Variants in WIPF3 observed in about 807,000 individuals in gnomAD.
The protein encoded by WIPF3 is WAS/WASL-interacting protein family member 3.
In WIPF3, 33 loss-of-function variants were observed where a neutral mutation model predicts 38.9. The ratio of observed to expected loss-of-function variants is 0.85; its 90% CI spans 0.64 to 1.14. The LOEUF (loss-of-function observed/expected upper bound fraction) is 1.14. Ranked by LOEUF, WIPF3 falls within the 50% of genes most tolerant of loss-of-function variation. The pLI is 0.00. For missense variants in WIPF3, 711 were observed against 652.5 expected, an observed-to-expected ratio of 1.09 and a Z score of -0.98; for synonymous variants, 324 against 269.3, an observed-to-expected ratio of 1.20 and a Z score of -1.99.
chr7:29,848,239 C>T (rs1393658557), intron 2 of WIPF3, among the ~76,000 whole-genome samples: 2 of 152,130 alleles, frequency 1.3e-5, no homozygotes, highest in South Asian at 2.1e-4. Context: ...CACGAAGATC[C>T]GGGGGCATCC....
chr7:29,857,622 T>C (rs1450114020), intron 2 of WIPF3, among the ~76,000 whole-genome samples: 1 of 152,182 alleles, frequency 6.6e-6, no homozygotes, highest in Non-Finnish European at 1.5e-5. Context: ...GCCATTGGTG[T>C]TACCTGGGGT....
At chr7:29,853,051 A>G (rs1184829431) in intron 2 of WIPF3, among the ~76,000 whole-genome samples, 7 of 152,154 alleles carry the variant, frequency 4.6e-5, no homozygotes. Context: ...GGGTGCAAGT[A>G]GTTTGTTTGG....
Position 29,844,014 on chromosome 7 carries a change from G to T in WIPF3, c.90+9200G>T, listed in dbSNP as rs1263438830. Among the ~76,000 whole-genome samples, 2 of 151,996 alleles carry T rather than the reference G, an allele frequency of 1.3e-5. No individual in the cohort carries two copies. Among genetic ancestry groups the T allele is most frequent in the African/African-American group, 4.8e-5 (2 of 41,462 alleles). ...GGAGGGCTGGCTTGGCAGCCAGGAA[G>T]TCACGTTTCCTAGATTGTTTAATAA... On this transcript the variant is annotated intron_variant, in intron 2 of 8. Transcript: ENST00000242140. The surrounding 1 kb of genome is among the most constrained non-coding windows in gnomAD (Gnocchi z 4.8).
intron 2 of WIPF3, among the ~76,000 whole-genome samples, chr7:29,860,603 A>T (rs1785258657): frequency 6.6e-6 from 1 of 152,210 alleles, no homozygotes. Flanking sequence ...TAAATTACCC[A>T]GGCTCAGGTA....
At chr7:29,859,393 A>T (rs1406994036) in intron 2 of WIPF3, among the ~76,000 whole-genome samples, 1 of 152,138 alleles carries the variant, frequency 6.6e-6, no homozygotes, top group African/African-American at 2.4e-5. Flanking sequence ...GAGGGTGTTG[A>T]TGATGCTTGG....
chr7:29,846,935 A>C (rs1451565534), intron 2 of WIPF3, among the ~76,000 whole-genome samples: 1 of 152,228 alleles, frequency 6.6e-6, no homozygotes, highest in Non-Finnish European at 1.5e-5. Flanking sequence ...AAATTACTTA[A>C]TAACTCTAAG....
chr7:29,902,758 T>C (rs1469436445), intron 7 of WIPF3, among the ~76,000 whole-genome samples: 2 of 151,750 alleles, frequency 1.3e-5, no homozygotes, highest in African/African-American at 4.9e-5. Flanking sequence ...TCAGAATTGC[T>C]TGAACCTGGG....
At chr7:29,824,057 CT>C (rs1738885007) in intron 1 of WIPF3, among the ~76,000 whole-genome samples, 2 of 152,240 alleles carry the variant, frequency 1.3e-5, no homozygotes, top group African/African-American at 4.8e-5. Context: ...TTACTTTTGG[CT>C]TTGGCAATAC....
chr7:29,916,125 C>G lies in WIPF3; in HGVS notation c.*1609C>G, dbSNP rs1786610096. 6.6e-6 allele frequency: 1 copy of G among 152,324 alleles called. No individual in the cohort carries two copies. The highest frequency in any genetic ancestry group is 1.5e-5 in the Non-Finnish European group (1 of 68,048). The allele number at this position is 152,324 out of a possible 1,614,324, so 9.4% of individuals were successfully genotyped here. On this transcript the variant is annotated 3_prime_UTR_variant, in exon 9 of 9. Coordinates refer to ENST00000242140, the MANE Select transcript of WIPF3 (RefSeq NM_001080529.3). ...AATTCCCTTCTCCAGGGGAATGAAT[C>G]AAGCCCAAACTGTAACAGCTAAATA...
chr7:29,850,394 G>A (rs1785074330), intron 2 of WIPF3, among the ~76,000 whole-genome samples: 1 of 152,212 alleles, frequency 6.6e-6, no homozygotes, highest in Non-Finnish European at 1.5e-5. Context: ...CCTTGAATTA[G>A]GAGTTTGAAG....
In WIPF3 at chr7:29,830,576, C is replaced by T. The variant is rs1334162823; in HGVS notation, c.-57-4092C>T. ...TGGAGGTTGCAGTGAGCCGAGATCA[C>T]GCCGCTGCACTCCAGGCTGGGTGAC... On this transcript the variant is annotated intron_variant, in intron 1 of 8. Transcript: ENST00000242140. Among the ~76,000 whole-genome samples the T allele has an allele frequency of 1.4e-3, 210 of 147,516 alleles. 2 individuals are homozygous for T. The highest frequency in any genetic ancestry group is 5.1e-3 in the African/African-American group (205 of 39,848).
chr7:29,853,146 TG>T, intron 2 of WIPF3, among the ~76,000 whole-genome samples: 1 of 152,274 alleles, frequency 6.6e-6, no homozygotes, highest in South Asian at 2.1e-4. Flanking sequence ...TACGGGGAAC[TG>T]GGGCTGCACC....
chr7:29,906,488 A>G (rs144433053), intron 8 of WIPF3, among the ~76,000 whole-genome samples: 10 of 152,310 alleles, frequency 6.6e-5, no homozygotes, highest in African/African-American at 2.4e-4. Flanking sequence ...TTGAGTCAGA[A>G]GAACAGAAAG....
chr7:29,822,793 G>C (rs941543155), intron 1 of WIPF3, among the ~76,000 whole-genome samples: 5 of 152,138 alleles, frequency 3.3e-5, no homozygotes, highest in African/African-American at 1.2e-4. Context: ...CTTTTTCTTT[G>C]TTATCTTGAG....
chr7:29,870,812 C>T (rs1042651517), intron 2 of WIPF3, among the ~76,000 whole-genome samples: 2 of 152,088 alleles, frequency 1.3e-5, no homozygotes, highest in African/African-American at 2.4e-5. Context: ...CAAAAATTAG[C>T]TGGGCGTGGT....
intron 1 of WIPF3, among the ~76,000 whole-genome samples, chr7:29,829,538 A>G (rs1028099494): frequency 3.9e-5 from 6 of 152,162 alleles, no homozygotes; most frequent in African/African-American, 1.4e-4. Flanking sequence ...CTTTTAACAT[A>G]GTTATTTGTA....
chr7:29,880,016 T>G (rs1269315656), intron 4 of WIPF3, among the ~76,000 whole-genome samples: 1 of 152,192 alleles, frequency 6.6e-6, no homozygotes, highest in East Asian at 1.9e-4. Context: ...TCAAAGATTA[T>G]GGAATCAAGC....
At chr7:29,857,652 C>G (rs529043099) in intron 2 of WIPF3, among the ~76,000 whole-genome samples, 1 of 152,202 alleles carries the variant, frequency 6.6e-6, no homozygotes, top group Admixed American at 6.5e-5. Context: ...CTCCCACCTC[C>G]TACCCAGTGA....
At chr7:29,866,307 A>G (rs1785386725) in intron 2 of WIPF3, among the ~76,000 whole-genome samples, 1 of 152,360 alleles carries the variant, frequency 6.6e-6, no homozygotes, top group South Asian at 2.1e-4. Flanking sequence ...AGCAATGTTC[A>G]TAACCACTAT....
Sources: allele counts gnomAD v4.1 joint callset (sites outside exome capture counted in the v4.1 genomes callset), GRCh38; gene constraint gnomAD v4.1.1; non-coding constraint Gnocchi (gnomAD v3.1); transcripts MANE v1.5; gene names NCBI Gene and HGNC (gene_info 2026-07-23, HGNC 2026-07-21).